ZFPM1: variants seen among roughly 807,000 people sequenced by gnomAD.
ZFPM1 encodes zinc finger protein, FOG family member 1.
A neutral mutation model predicts 46.3 loss-of-function variants in ZFPM1; 28 were observed. The observed-to-expected ratio is 0.60, with a 90% confidence interval of 0.45 to 0.83. The LOEUF (loss-of-function observed/expected upper bound fraction) is 0.83. Among genes scored for constraint, ZFPM1 ranks in the 40% least tolerant of loss-of-function variants. The pLI, the probability that ZFPM1 is intolerant of heterozygous loss-of-function variation, is 0.00. For missense variants in ZFPM1, 1,878 were observed against 1,432.4 expected, an observed-to-expected ratio of 1.31 and a Z score of -5.02; for synonymous variants, 957 against 675.9, an observed-to-expected ratio of 1.42 and a Z score of -6.45.
At chr16:88,525,848 G>A (rs1362205207) in intron 4 of ZFPM1, among the ~76,000 whole-genome samples, 1 of 152,248 alleles carries the variant, frequency 6.6e-6, no homozygotes, top group Non-Finnish European at 1.5e-5. Context: ...TCAGCTGGGG[G>A]CCGGGGTGCA....
At chr16:88,508,227 G>A (rs980973124) in intron 3 of ZFPM1, among the ~76,000 whole-genome samples, 33 of 152,334 alleles carry the variant, frequency 2.2e-4, no homozygotes, top group African/African-American at 7.7e-4. Context: ...AACCCGGGAG[G>A]CGGAGGCTGC....
rs769784761 is a variant in ZFPM1, at chr16:88,533,678, C to A, written c.1720C>A (p.Pro574Thr). 1 of 1,493,910 alleles carries A rather than the reference C, an allele frequency of 6.7e-7. No individual in the cohort carries two copies. The highest frequency in any genetic ancestry group is 2.2e-5 in the Admixed American group (1 of 46,374). The allele number at this position is 1,493,910 out of a possible 1,614,324, so 92.5% of individuals were successfully genotyped here. A position where few individuals can be genotyped will look rare whatever the true frequency, so the allele number is the denominator to read the frequency against. The change falls in exon 10 of 10, where the codon CCC becomes ACC. Residue 574 changes from proline (P) to threonine (T), a missense_variant. Physicochemically the swap from Pro to Thr is conservative, Grantham distance 38. Coordinates refer to ENST00000319555, the MANE Select transcript of ZFPM1 (RefSeq NM_153813.3). ...GCAGACCGGGCTCTTCCCCGGGGCCCCCAAGGGCGCTACGTGCTTCGAGTG... is the reference window on the plus strand; with the variant it reads ...GCAGACCGGGCTCTTCCCCGGGGCCACCAAGGGCGCTACGTGCTTCGAGTG... ...GAQTGLFPGA[P>T]KGATCFECEI...
chr16:88,452,905 C>G (rs1341126241), upstream of ZFPM1, among the ~76,000 whole-genome samples: 1 of 152,170 alleles, frequency 6.6e-6, no homozygotes, highest in African/African-American at 2.4e-5. Context: ...GGGGACATGA[C>G]CTCCGGGCCA....
Position 88,536,301 on chromosome 16 carries a change from A to T in ZFPM1, c.*1322A>T, listed in dbSNP as rs920809191. 5 of 152,142 alleles carry T rather than the reference A, an allele frequency of 3.3e-5. No homozygotes were observed. Among genetic ancestry groups the T allele is most frequent in the African/African-American group, 9.7e-5 (4 of 41,424 alleles). 9.4% of individuals were successfully genotyped at this position (152,142 alleles called of 1,614,324 possible). A position where few individuals can be genotyped will look rare whatever the true frequency, so the allele number is the denominator to read the frequency against. On this transcript the variant is annotated 3_prime_UTR_variant, in exon 10 of 10. Transcript: ENST00000319555. ...ATCTTCCTGCCTCAGCCTCCCAAGT[A>T]GCTGGGACTACAGGCTTGACCCACC...
chr16:88,467,158 G>A (rs987221725), intron 1 of ZFPM1, among the ~76,000 whole-genome samples: 6 of 152,234 alleles, frequency 3.9e-5, no homozygotes, highest in African/African-American at 9.6e-5. Flanking sequence ...ATCACACAGC[G>A]GCCAGAGTGG....
At chr16:88,511,764 C>G (rs1012734051) in intron 3 of ZFPM1, among the ~76,000 whole-genome samples, 1 of 152,210 alleles carries the variant, frequency 6.6e-6, no homozygotes, top group East Asian at 1.9e-4. Context: ...GAATGCTGCA[C>G]AAGGGCACCT....
At position 88,534,384 on chromosome 16, in the gene ZFPM1, CGGCACCGGCGCT is replaced by C. The variant is rs1567559218; in HGVS notation, c.2430_2441del (p.Pro811_Ala814del). 1 of 1,458,922 alleles carries C rather than the reference CGGCACCGGCGCT, an allele frequency of 6.9e-7. No individual in the cohort carries two copies. The highest frequency in any genetic ancestry group is 9.0e-7 in the Non-Finnish European group (1 of 1,110,884). 90.4% of individuals were successfully genotyped at this position (1,458,922 alleles called of 1,614,324 possible). The stretch of plus-strand genomic sequence containing the variant: ...CCGCGGCGCCCGCTCCCCGGAGCCC[CGGCACCGGCGCT>C]GGCCGACTACCACGAGTGCACGGCC... On this transcript the variant is annotated inframe_deletion, in exon 10 of 10. Transcript: ENST00000319555.
Position 88,534,053 on chromosome 16 carries a change from A to T in ZFPM1, c.2095A>T (p.Thr699Ser), listed in dbSNP as rs1409551371. 2.3e-6 allele frequency: 3 copies of T among 1,297,814 alleles called. No homozygotes were observed. In the Admixed American group the frequency reaches 7.3e-5, roughly 32 times the overall value. The allele number at this position is 1,297,814 out of a possible 1,614,324, so 80.4% of individuals were successfully genotyped here. The change falls in exon 10 of 10, where the codon ACC (threonine) becomes TCC (serine). Residue 699 changes from threonine to serine, a missense_variant. Coordinates refer to ENST00000319555, the MANE Select transcript of ZFPM1 (RefSeq NM_153813.3). The part of the protein sequence containing the change: ...NIRFSRHETY[T>S]VHKRYYCASR... Reference sequence around the variant, plus strand: ...CCGCTTCAGCCGCCACGAGACCTACACCGTGCACAAGCGGTACTACTGCGC... The same window carrying T: ...CCGCTTCAGCCGCCACGAGACCTACTCCGTGCACAAGCGGTACTACTGCGC...
At chr16:88,523,442 C>T (rs920678258) in intron 4 of ZFPM1, among the ~76,000 whole-genome samples, 2 of 152,228 alleles carry the variant, frequency 1.3e-5, no homozygotes, top group African/African-American at 4.8e-5. Context: ...CTGGCCGCGG[C>T]CCCAGCAGTG....
intron 6 of ZFPM1, among the ~76,000 whole-genome samples, chr16:88,529,290 T>G (rs1319730737): frequency 6.6e-6 from 1 of 152,174 alleles, no homozygotes; most frequent in Non-Finnish European, 1.5e-5. Flanking sequence ...GGATGGCGTT[T>G]GGAGGGGGAC....
rs188482272 is a variant in ZFPM1, at chr16:88,498,325, A to G, written c.268+9172A>G. ...CCCCTTCCCCGGAGGTTTGCTGAGC[A>G]CTTTGGGGCCAGGCGCATATCAGGT... On this transcript the variant is annotated intron_variant, in intron 3 of 9. Transcript: ENST00000319555. Among the ~76,000 whole-genome samples the G allele has an allele frequency of 7.0e-3, 1,072 of 152,280 alleles. 12 individuals are homozygous for G. Among genetic ancestry groups the G allele is most frequent in the African/African-American group, 0.025 (1,034 of 41,546 alleles).
intron 3 of ZFPM1, among the ~76,000 whole-genome samples, chr16:88,505,020 T>C (rs1910572218): frequency 6.6e-6 from 1 of 152,212 alleles, no homozygotes; most frequent in South Asian, 2.1e-4. Context: ...TTCAGCCCGA[T>C]AAAGATGGGC....
rs1303028022 is a variant in ZFPM1, at chr16:88,536,488, CTTG to C, written c.*1510_*1512del. The stretch of plus-strand genomic sequence containing the variant: ...CATTCCCAGCCCATTTCCAACTCTA[CTTG>C]AACTAGCTGCATTTTTTTCAGCTTT... On this transcript the variant is annotated 3_prime_UTR_variant, in exon 10 of 10. Transcript: ENST00000319555. The C allele has an allele frequency of 6.6e-6, 1 of 152,242 alleles. No homozygotes were observed. Among genetic ancestry groups the C allele is most frequent in the Admixed American group, 6.5e-5 (1 of 15,286 alleles). 9.4% of individuals were successfully genotyped at this position (152,242 alleles called of 1,614,324 possible).
At chr16:88,463,328 G>T (rs1907984090) in intron 1 of ZFPM1, among the ~76,000 whole-genome samples, 3 of 152,198 alleles carry the variant, frequency 2.0e-5, no homozygotes, top group Admixed American at 2.0e-4. Context: ...GCCTCTCTTG[G>T]GGTTCCTCTG....
intron 1 of ZFPM1, among the ~76,000 whole-genome samples, chr16:88,464,333 G>A (rs188959440): frequency 6.6e-6 from 1 of 152,332 alleles, no homozygotes; most frequent in Admixed American, 6.5e-5. Context: ...CCGACTCCAG[G>A]CCTGGGCCCT....
chr16:88,505,769 G>A (rs913600378), intron 3 of ZFPM1, among the ~76,000 whole-genome samples: 1 of 150,994 alleles, frequency 6.6e-6, no homozygotes, highest in African/African-American at 2.5e-5. Context: ...TCTTGGCAAG[G>A]AGACCACCGT....
At chr16:88,501,443 T>C (rs1331352626) in intron 3 of ZFPM1, among the ~76,000 whole-genome samples, 1 of 123,986 alleles carries the variant, frequency 8.1e-6, no homozygotes, top group South Asian at 2.7e-4. Flanking sequence ...GCGGGGGCCA[T>C]CCCGCAGGTG....
At chr16:88,490,230 T>A (rs1332583250) in intron 3 of ZFPM1, among the ~76,000 whole-genome samples, 1 of 151,976 alleles carries the variant, frequency 6.6e-6, no homozygotes, top group Non-Finnish European at 1.5e-5. Context: ...ATTTTTCTAT[T>A]TTGAGGAGAG....
chr16:88,527,470 C>T (rs1912433750), intron 5 of ZFPM1, among the ~76,000 whole-genome samples: 1 of 152,136 alleles, frequency 6.6e-6, no homozygotes, highest in Non-Finnish European at 1.5e-5. Context: ...GTCCACTGGC[C>T]AGTGGAGTCC....
Sources: allele counts gnomAD v4.1 joint callset (sites outside exome capture counted in the v4.1 genomes callset), GRCh38; gene constraint gnomAD v4.1.1; transcripts MANE v1.5; gene names NCBI Gene and HGNC (gene_info 2026-07-23, HGNC 2026-07-21).